The following PCDH11Y variants were observed in gnomAD, a reference collection of about 807,000 sequenced individuals.
The protein encoded by PCDH11Y is protocadherin 11 Y-linked.
For synonymous variants in PCDH11Y, 9 were observed against 83.6 expected (o/e 0.11, Z 4.87); for missense variants, 12 against 224.8 (o/e 0.05, Z 6.05).
chrY:5,148,617 C>A, intron 2 of PCDH11Y, among the ~76,000 whole-genome samples: 1 of 32,218 alleles, frequency 3.1e-5, no homozygotes, highest in Non-Finnish European at 7.6e-5. Flanking sequence ...TTATGATAAA[C>A]CCACAGTAAA....
At chrY:5,094,437 T>G (rs2052747154) in intron 1 of PCDH11Y, among the ~76,000 whole-genome samples, 39 of 31,313 alleles carry the variant, frequency 1.2e-3, no homozygotes, top group African/African-American at 4.8e-3. Flanking sequence ...TTGAAAATTA[T>G]TTATGTCTTA....
intron 2 of PCDH11Y, among the ~76,000 whole-genome samples, chrY:5,415,946 T>C (rs2053252650): frequency 3.1e-5 from 1 of 31,946 alleles, no homozygotes; most frequent in Non-Finnish European, 7.6e-5. Context: ...TTTTTGTTTT[T>C]TGTTTTTTGT....
intron 3 of PCDH11Y, among the ~76,000 whole-genome samples, chrY:5,575,892 A>G: frequency 3.0e-5 from 1 of 33,065 alleles, no homozygotes; most frequent in Admixed American, 2.8e-4. Context: ...ATACACCACC[A>G]AGTCCCATTT....
At chrY:5,022,608 A>G in intron 1 of PCDH11Y, among the ~76,000 whole-genome samples, 3 of 27,947 alleles carry the variant, frequency 1.1e-4, no homozygotes, top group Non-Finnish European at 2.6e-4. Flanking sequence ...CAACAGAACA[A>G]GACCCTGTCT....
At chrY:5,550,852 TA>T in intron 3 of PCDH11Y, among the ~76,000 whole-genome samples, 1 of 33,047 alleles carries the variant, frequency 3.0e-5, no homozygotes, top group South Asian at 6.9e-4. Flanking sequence ...GAACTTTTCC[TA>T]GCTGCTGTCT....
chrY:5,048,022 A>T (rs2052645781), intron 3 of PCDH11Y, among the ~76,000 whole-genome samples: 1 of 7,322 alleles, frequency 1.4e-4, no homozygotes, highest in Non-Finnish European at 3.0e-4. Context: ...CTAGTATGCA[A>T]TTTTTTTTTT....
chrY:5,521,978 G>A (rs2053381604), intron 3 of PCDH11Y, among the ~76,000 whole-genome samples: 1 of 32,317 alleles, frequency 3.1e-5, no homozygotes, highest in East Asian at 8.1e-4. Flanking sequence ...GGTTGACGCC[G>A]TTCTCCTGCC....
At chrY:5,280,952 ATTGT>A (rs2053053038) in intron 2 of PCDH11Y, among the ~76,000 whole-genome samples, 1 of 32,361 alleles carries the variant, frequency 3.1e-5, no homozygotes. Flanking sequence ...TTTTAATAAA[ATTGT>A]TTGTGTGGTT....
intron 3 of PCDH11Y, among the ~76,000 whole-genome samples, chrY:5,577,678 T>C (rs2053447400): frequency 6.1e-5 from 2 of 33,052 alleles, no homozygotes; most frequent in Non-Finnish European, 1.5e-4. Flanking sequence ...GCAAATAAGA[T>C]GCTCATTATG....
intron 2 of PCDH11Y, among the ~76,000 whole-genome samples, chrY:5,492,758 TTTTAA>T (rs2053340164): frequency 2.0e-4 from 6 of 29,878 alleles, no homozygotes; most frequent in Non-Finnish European, 1.6e-4. Flanking sequence ...GATGCAACTA[TTTTAA>T]TTTATTATTT....
chrY:5,410,542 TTTATC>T (rs2053246035), intron 2 of PCDH11Y, among the ~76,000 whole-genome samples: 1 of 32,909 alleles, frequency 3.0e-5, no homozygotes, highest in South Asian at 6.7e-4. Flanking sequence ...TTTCTAAACT[TTTATC>T]TTAGGTTTTG....
At chrY:5,226,853 T>C in intron 2 of PCDH11Y, among the ~76,000 whole-genome samples, 1 of 29,937 alleles carries the variant, frequency 3.3e-5, no homozygotes, top group Non-Finnish European at 8.0e-5. Context: ...AGCTTTGTAG[T>C]ATTATTTGAG....
chrY:5,372,217 C>T (rs2053188035), intron 2 of PCDH11Y, among the ~76,000 whole-genome samples: 2 of 31,969 alleles, frequency 6.3e-5, no homozygotes, highest in Non-Finnish European at 1.5e-4. Context: ...AACATTTTCT[C>T]GGTATATGCC....
intron 3 of PCDH11Y, among the ~76,000 whole-genome samples, chrY:5,550,115 A>G (rs2053417292): frequency 3.1e-5 from 1 of 32,303 alleles, no homozygotes; most frequent in Non-Finnish European, 7.7e-5. Flanking sequence ...TTGAAAAAAA[A>G]AAAAAAGAAT....
intron 1 of PCDH11Y, among the ~76,000 whole-genome samples, chrY:5,067,745 G>C: frequency 3.1e-5 from 1 of 32,213 alleles, no homozygotes; most frequent in Admixed American, 2.9e-4. Flanking sequence ...GGGCGCGGTG[G>C]CTCATGCCTG....
intron 2 of PCDH11Y, among the ~76,000 whole-genome samples, chrY:5,224,862 C>G (rs2052958112): frequency 9.1e-5 from 3 of 33,090 alleles, no homozygotes; most frequent in Non-Finnish European, 1.5e-4. Context: ...GGACTGGGTT[C>G]TGGTTAACCG....
intron 4 of PCDH11Y, among the ~76,000 whole-genome samples, chrY:5,594,469 ACACACACACACCC>A (rs2053465498): frequency 3.2e-5 from 1 of 31,200 alleles, no homozygotes; most frequent in Non-Finnish European, 7.8e-5. Flanking sequence ...CACACACCCC[ACACACACACACCC>A]CACACACACA....
chrY:5,357,379 C>T (rs2053169227), intron 2 of PCDH11Y, among the ~76,000 whole-genome samples: 1 of 28,092 alleles, frequency 3.6e-5, no homozygotes, highest in East Asian at 9.1e-4. Context: ...GATAATTTTT[C>T]TTTAATTTTC....
intron 2 of PCDH11Y, among the ~76,000 whole-genome samples, chrY:5,486,694 TATATATATATACAC>T (rs1569346330): frequency 9.5e-4 from 8 of 8,462 alleles, no homozygotes; most frequent in East Asian, 0.045. Flanking sequence ...TATATATATA[TATATATATATACAC>T]ATATATATAT....
Sources: gnomAD v4.1 joint callset for allele counts (sites outside exome capture counted in the v4.1 genomes callset) on GRCh38, gnomAD v4.1.1 for gene constraint, MANE v1.5 for transcripts, NCBI Gene and HGNC (gene_info 2026-07-23, HGNC 2026-07-21) for gene names.